The following GLT1D1 variants were observed in gnomAD, a reference collection of about 807,000 sequenced individuals.
The protein encoded by GLT1D1 is glycosyltransferase 1 domain-containing protein 1.
Under a neutral mutation model 28.7 loss-of-function variants are expected in GLT1D1, and 21 were observed. The ratio of observed to expected loss-of-function variants is 0.73; its 90% CI spans 0.52 to 1.05. The LOEUF is 1.05. Ranked by LOEUF, GLT1D1 falls within the 50% of genes least tolerant of loss-of-function variation. The probability of loss-of-function intolerance (pLI) is 0.00; values close to 1 mark genes in which losing one functional copy is unlikely to be tolerated. For synonymous variants in GLT1D1, 147 were observed against 124.8 expected (o/e 1.18, Z -1.19); for missense variants, 343 against 330.6 (o/e 1.04, Z -0.29).
At position 128,896,232 on chromosome 12, in the gene GLT1D1, T is replaced by C. The variant is rs185088937; in HGVS notation, c.324-3004T>C. 7.9e-5 allele frequency among the ~76,000 whole-genome samples: 12 copies of C among 152,234 alleles called. No individual in the cohort carries two copies. In the East Asian group the frequency reaches 1.5e-3, roughly 20 times the overall value. ...GACTGTGGGATTAAGGGAGTAGTTT[T>C]TATAATGAGTAGAGGAGAAAATAAT... On this transcript the variant is annotated intron_variant, in intron 3 of 7. Transcript: ENST00000281703.
intron 4 of GLT1D1, among the ~76,000 whole-genome samples, chr12:128,931,917 G>GCACGCGCACACACACACA (rs1368012620): frequency 0.016 from 2,302 of 141,070 alleles, 30 homozygotes; most frequent in Non-Finnish European, 0.027. Context: ...ACACACGCAC[G>GCACGCGCACACACACACA]CACACACACA....
At chr12:128,879,403 T>TTTCTTTCTTTCTTTCTTTCTTTCTTTCC (rs1956961745) in intron 2 of GLT1D1, among the ~76,000 whole-genome samples, 1 of 90,394 alleles carries the variant, frequency 1.1e-5, no homozygotes, top group African/African-American at 4.9e-5. Context: ...TCTTTCTTTC[T>TTTCTTTCTTTCTTTCTTTCTTTCTTTCC]TTCTTTCTTT....
intron 1 of GLT1D1, among the ~76,000 whole-genome samples, chr12:128,865,777 G>A (rs1052259046): frequency 2.6e-5 from 4 of 151,940 alleles, no homozygotes; most frequent in African/African-American, 4.8e-5. Flanking sequence ...AGCCAAGATC[G>A]CACCACTGCA....
At chr12:128,964,143 C>T (rs1321796189) in intron 7 of GLT1D1, among the ~76,000 whole-genome samples, 1 of 152,230 alleles carries the variant, frequency 6.6e-6, no homozygotes, top group Admixed American at 6.5e-5. Flanking sequence ...GTAATCCCAG[C>T]ACTTTGGGAG....
chr12:128,957,399 G>A, intron 6 of GLT1D1, 146 bp from the exon 11 acceptor site: 5 of 584,102 alleles, frequency 8.6e-6, no homozygotes, highest in Non-Finnish European at 1.6e-5. Flanking sequence ...GTTGAGATTG[G>A]GATATCGTTT....
At chr12:128,961,255 G>A (rs1877910864) in intron 7 of GLT1D1, among the ~76,000 whole-genome samples, 2 of 152,210 alleles carry the variant, frequency 1.3e-5, no homozygotes, top group Non-Finnish European at 2.9e-5. Flanking sequence ...TTGTCTGCAA[G>A]CTGGAGATGC....
intron 1 of GLT1D1, among the ~76,000 whole-genome samples, chr12:128,874,886 G>A (rs1021882038): frequency 2.6e-5 from 4 of 152,112 alleles, no homozygotes; most frequent in African/African-American, 7.2e-5. Context: ...AGTAACAGTC[G>A]TAAATAGTTT....
intron 6 of GLT1D1, among the ~76,000 whole-genome samples, chr12:128,955,614 C>G (rs979116615): frequency 2.6e-5 from 4 of 151,772 alleles, no homozygotes; most frequent in Non-Finnish European, 5.9e-5. Context: ...CCCCATAGCT[C>G]TTCATGACAC....
intron 7 of GLT1D1, among the ~76,000 whole-genome samples, chr12:128,964,754 G>A (rs1878296580): frequency 6.6e-6 from 1 of 152,184 alleles, no homozygotes; most frequent in African/African-American, 2.4e-5. Flanking sequence ...GATTGCTAAG[G>A]ACCACTGGCG....
chr12:128,926,237 A>ATAATAATAATAAT (rs1402574124), intron 4 of GLT1D1, 122 bp from the exon 7 acceptor site: 84 of 284,530 alleles, frequency 3.0e-4, no homozygotes, highest in African/African-American at 1.7e-3. Context: ...AATAATAATA[A>ATAATAATAATAAT]GAGTAGGAGA....
In GLT1D1 at chr12:128,863,630, G is replaced by A. The variant is rs143471604; in HGVS notation, c.68+9981G>A. Among the ~76,000 whole-genome samples, 358 of 152,146 alleles carry A rather than the reference G, an allele frequency of 2.4e-3. 1 individual carries two copies. The highest frequency in any genetic ancestry group is 7.8e-3 in the African/African-American group (324 of 41,522). The stretch of plus-strand genomic sequence containing the variant: ...TGACCTCAGGCGATTCACTCGCCTC[G>A]GCCTTCCAAAGTGCTGGGATTACAG... On this transcript the variant is annotated intron_variant, in intron 1 of 7. Coordinates refer to ENST00000281703, the MANE Select transcript of GLT1D1 (RefSeq NM_144669.3).
chr12:128,974,753 G>A (rs1315600368), intron 7 of GLT1D1, among the ~76,000 whole-genome samples: 1 of 152,238 alleles, frequency 6.6e-6, no homozygotes, highest in African/African-American at 2.4e-5. Context: ...GAAGGCTATA[G>A]CAGCTGAATT....
At chr12:128,945,525 C>A (rs921145429) in intron 5 of GLT1D1, among the ~76,000 whole-genome samples, 156 bp downstream of exon 9, 3 of 152,206 alleles carry the variant, frequency 2.0e-5, no homozygotes, top group African/African-American at 7.2e-5. Flanking sequence ...GCATCCTAGG[C>A]ACTATTATTT....
At chr12:128,974,613 C>A (rs1208854571) in intron 7 of GLT1D1, among the ~76,000 whole-genome samples, 1 of 152,182 alleles carries the variant, frequency 6.6e-6, no homozygotes, top group Non-Finnish European at 1.5e-5. Context: ...AAACTCCTGT[C>A]TGAACTGATG....
intron 4 of GLT1D1, among the ~76,000 whole-genome samples, chr12:128,904,696 C>T (rs999316262): frequency 5.5e-5 from 8 of 144,482 alleles, no homozygotes; most frequent in African/African-American, 8.2e-5. Context: ...TGCAGTAGTG[C>T]GATCTCGGCT....
chr12:128,974,076 T>A (rs1875535700), intron 7 of GLT1D1, among the ~76,000 whole-genome samples: 1 of 151,924 alleles, frequency 6.6e-6, no homozygotes, highest in East Asian at 1.9e-4. Context: ...GGTTCCCAGG[T>A]GACCTGGGCT....
At chr12:128,899,356 CA>C in intron 4 of GLT1D1, 69 bp downstream of exon 4, 1 of 1,294,480 alleles carries the variant, frequency 7.7e-7, no homozygotes, top group Non-Finnish European at 1.1e-6. Flanking sequence ...AACCGAAAGG[CA>C]GCCTTACTGA....
chr12:128,902,143 A>G (rs982712240), intron 4 of GLT1D1, among the ~76,000 whole-genome samples: 1 of 151,654 alleles, frequency 6.6e-6, no homozygotes, highest in Admixed American at 6.6e-5. Context: ...CAGATGAAAG[A>G]TCAGTTCATA....
intron 4 of GLT1D1, among the ~76,000 whole-genome samples, chr12:128,904,375 C>T (rs967753438): frequency 6.6e-6 from 1 of 151,610 alleles, no homozygotes. Context: ...GGTTTAAGAG[C>T]GTTCATACAA....
Sources: allele counts gnomAD v4.1 joint callset (sites outside exome capture counted in the v4.1 genomes callset), GRCh38; gene constraint gnomAD v4.1.1; transcripts MANE v1.5; gene names NCBI Gene and HGNC (gene_info 2026-07-23, HGNC 2026-07-21).